BICC1: variants seen among roughly 807,000 people sequenced by gnomAD.
The protein encoded by BICC1 is BicC family RNA binding protein 1, also known as protein bicaudal C homolog 1.
In BICC1, 43 loss-of-function variants were observed where a neutral mutation model predicts 111.0. That is an observed-to-expected ratio of 0.39 (90% confidence interval 0.30 to 0.50). BICC1 has a LOEUF of 0.50. Ranked by LOEUF, BICC1 falls within the 20% of genes least tolerant of loss-of-function variation. The pLI is 0.88. For synonymous variants in BICC1, 467 were observed against 434.4 expected (o/e 1.07, Z -0.93); for missense variants, 1,091 against 1,203.2 (o/e 0.91, Z 1.38).
chr10:58,700,615 A>T (rs1313273548), intron 2 of BICC1, among the ~76,000 whole-genome samples: 1 of 152,182 alleles, frequency 6.6e-6, no homozygotes, highest in Non-Finnish European at 1.5e-5. Context: ...TCAATTTTTA[A>T]TAGAGACATA....
At chr10:58,789,586 G>C in intron 7 of BICC1, 96 bp from the exon 8 acceptor site, 1 of 1,536,454 alleles carries the variant, frequency 6.5e-7, no homozygotes, top group Admixed American at 1.8e-5. Context: ...AGAATATGCT[G>C]TATTTTTCCA....
At chr10:58,521,981 A>G (rs771503332) in intron 1 of BICC1, among the ~76,000 whole-genome samples, 7 of 151,650 alleles carry the variant, frequency 4.6e-5, no homozygotes, top group Non-Finnish European at 8.8e-5. Context: ...CATTGAAGTT[A>G]AGAATCAGAC....
chr10:58,689,259 A>G lies in BICC1; in HGVS notation c.238-12815A>G, dbSNP rs116795647. On this transcript the variant is annotated intron_variant, in intron 2 of 20. Coordinates refer to ENST00000373886, the MANE Select transcript of BICC1 (RefSeq NM_001080512.3). The stretch of plus-strand genomic sequence containing the variant: ...TTTGTTCACATGTGGTAAGAGAAAG[A>G]GAGAACTTAGTAATTCTCTTACAAA... Among the ~76,000 whole-genome samples, 636 of 152,248 alleles carry G rather than the reference A, an allele frequency of 4.2e-3. 12 individuals are homozygous for G. The highest frequency in any genetic ancestry group is 0.015 in the African/African-American group (605 of 41,532).
At chr10:58,636,097 G>T (rs911866011) in intron 2 of BICC1, among the ~76,000 whole-genome samples, 4 of 152,176 alleles carry the variant, frequency 2.6e-5, no homozygotes, top group African/African-American at 9.6e-5. Flanking sequence ...CTAACACATT[G>T]TTCTGTGTAT....
At position 58,642,213 on chromosome 10, in the gene BICC1, A is replaced by T. The variant is rs1469017974; in HGVS notation, c.237+21312A>T. On this transcript the variant is annotated intron_variant, in intron 2 of 20. Transcript: ENST00000373886. ...AAGTATCTGCATTTTGTGAGGTGTGAGTTAGGCTCTGCACTTTCGGGGTGA... is the reference window on the plus strand; with the variant it reads ...AAGTATCTGCATTTTGTGAGGTGTGTGTTAGGCTCTGCACTTTCGGGGTGA... Among the ~76,000 whole-genome samples, 8 of 152,178 alleles carry T rather than the reference A, an allele frequency of 5.3e-5. 1 individual carries two copies. The highest frequency in any genetic ancestry group is 5.2e-4 in the Admixed American group (8 of 15,286).
chr10:58,624,511 T>A (rs958859114), intron 2 of BICC1, among the ~76,000 whole-genome samples: 1 of 152,196 alleles, frequency 6.6e-6, no homozygotes, highest in African/African-American at 2.4e-5. Context: ...TAATCACAAG[T>A]CATTTCTAAA....
chr10:58,623,065 G>A (rs1845875083), intron 2 of BICC1, among the ~76,000 whole-genome samples: 1 of 152,104 alleles, frequency 6.6e-6, no homozygotes, highest in Admixed American at 6.6e-5. Flanking sequence ...TATCTACCTA[G>A]CTTCATAGTG....
intron 2 of BICC1, among the ~76,000 whole-genome samples, chr10:58,640,040 C>G (rs1334673677): frequency 6.6e-6 from 1 of 152,076 alleles, no homozygotes; most frequent in Non-Finnish European, 1.5e-5. Context: ...TCCCTAAGAT[C>G]TTGTTAACCA....
At chr10:58,682,573 G>C (rs1055611924) in intron 2 of BICC1, among the ~76,000 whole-genome samples, 1 of 152,156 alleles carries the variant, frequency 6.6e-6, no homozygotes, top group Non-Finnish European at 1.5e-5. Context: ...ACTGGTGTGA[G>C]ATGGTATCTC....
intron 1 of BICC1, among the ~76,000 whole-genome samples, chr10:58,551,100 C>G (rs947443884): frequency 4.6e-5 from 7 of 152,010 alleles, no homozygotes; most frequent in African/African-American, 1.7e-4. Context: ...TTTATCTGTT[C>G]CCCTGATCCT....
intron 2 of BICC1, among the ~76,000 whole-genome samples, chr10:58,659,551 CCTAA>C (rs530929144): frequency 5.3e-4 from 81 of 152,172 alleles, no homozygotes; most frequent in African/African-American, 1.9e-3. Flanking sequence ...ATGGATGCGG[CCTAA>C]CTGAGGGTGG....
At chr10:58,696,425 T>C (rs1481732977) in intron 2 of BICC1, among the ~76,000 whole-genome samples, 1 of 152,214 alleles carries the variant, frequency 6.6e-6, no homozygotes, top group African/African-American at 2.4e-5. Context: ...GCCCTTTTTT[T>C]ACTATGAATA....
chr10:58,820,523 T>A, intron 20 of BICC1, 55 bp downstream of exon 20: 1 of 1,294,456 alleles, frequency 7.7e-7, no homozygotes, highest in Non-Finnish European at 1.1e-6. Context: ...CTGCCAGTGG[T>A]CTCAGCCATT....
chr10:58,685,809 A>T (rs1839704507), intron 2 of BICC1, among the ~76,000 whole-genome samples: 1 of 151,856 alleles, frequency 6.6e-6, no homozygotes, highest in African/African-American at 2.4e-5. Context: ...ATGGCTCTTG[A>T]CTGTATCCAA....
At chr10:58,704,561 A>C (rs2132459729) in intron 3 of BICC1, among the ~76,000 whole-genome samples, 1 of 152,338 alleles carries the variant, frequency 6.6e-6, no homozygotes, top group South Asian at 2.1e-4. Flanking sequence ...TTAGAAGGTA[A>C]TTATTTGCTC....
chr10:58,634,688 C>T (rs1020929496), intron 2 of BICC1, among the ~76,000 whole-genome samples: 2 of 152,126 alleles, frequency 1.3e-5, no homozygotes, highest in Non-Finnish European at 2.9e-5. Context: ...TGCCAGCCCC[C>T]ACCCCACTGT....
chr10:58,685,476 C>T (rs980536862), intron 2 of BICC1, among the ~76,000 whole-genome samples: 1 of 152,100 alleles, frequency 6.6e-6, no homozygotes, highest in African/African-American at 2.4e-5. Flanking sequence ...GTGTTAAAAT[C>T]TTCCGTTATT....
chr10:58,783,740 A>T (rs10509094), intron 3 of BICC1, among the ~76,000 whole-genome samples: 8 of 152,022 alleles, frequency 5.3e-5, no homozygotes, highest in South Asian at 2.1e-4. Flanking sequence ...TACATTGTAG[A>T]CACTCAGTAA....
intron 1 of BICC1, among the ~76,000 whole-genome samples, chr10:58,515,476 G>A (rs1308570598): frequency 6.6e-6 from 1 of 152,220 alleles, no homozygotes; most frequent in East Asian, 1.9e-4. Context: ...ACTGTAGACA[G>A]TTGTGGCACA....
Sources: gnomAD v4.1 joint callset for allele counts (sites outside exome capture counted in the v4.1 genomes callset) on GRCh38, gnomAD v4.1.1 for gene constraint, MANE v1.5 for transcripts, NCBI Gene and HGNC (gene_info 2026-07-23, HGNC 2026-07-21) for gene names.